NLGN1: variants seen among roughly 807,000 people sequenced by gnomAD.
NLGN1 encodes the protein neuroligin-1.
In NLGN1, 12 loss-of-function variants were observed where a neutral mutation model predicts 65.5. That is an observed-to-expected ratio of 0.18 (90% confidence interval 0.12 to 0.30). The LOEUF (loss-of-function observed/expected upper bound fraction) is 0.30, where lower values mean the gene tolerates loss of function less well. NLGN1 is among the 10% of genes least tolerant of loss of function. The pLI, the probability that NLGN1 is intolerant of heterozygous loss-of-function variation, is 1.00. For synonymous variants in NLGN1, 350 were observed against 359.5 expected (o/e 0.97, Z 0.30); for missense variants, 750 against 1,007.1 (o/e 0.74, Z 3.46).
At chr3:174,049,766 AG>A (rs1734405728) in intron 4 of NLGN1, among the ~76,000 whole-genome samples, 1 of 152,148 alleles carries the variant, frequency 6.6e-6, no homozygotes, top group South Asian at 2.1e-4. Context: ...TACGTGTAAA[AG>A]AGGAATACAG....
At chr3:173,785,936 A>T (rs1476164639) in intron 3 of NLGN1, among the ~76,000 whole-genome samples, 1 of 152,032 alleles carries the variant, frequency 6.6e-6, no homozygotes, top group African/African-American at 2.4e-5. Context: ...TTTTCATTTT[A>T]CTCCCCAGTG....
Position 173,992,208 on chromosome 3 carries a change from A to G in NLGN1, c.646+184376A>G, listed in dbSNP as rs181229394. Among the ~76,000 whole-genome samples the G allele has an allele frequency of 3.7e-3, 568 of 152,304 alleles. 1 individual carries two copies. Among genetic ancestry groups the G allele is most frequent in the African/African-American group, 0.013 (545 of 41,560 alleles). On this transcript the variant is annotated intron_variant, in intron 4 of 6. Transcript: ENST00000457714. ...TGTTACCCGCACACACACATAATAT[A>G]TGTATATTATTCATAAGTATACATA...
At chr3:173,462,789 T>C (rs936997117) in intron 2 of NLGN1, among the ~76,000 whole-genome samples, 1 of 152,236 alleles carries the variant, frequency 6.6e-6, no homozygotes, top group African/African-American at 2.4e-5. Flanking sequence ...ATAATTGTCA[T>C]TAATTTGTTT....
intron 3 of NLGN1, among the ~76,000 whole-genome samples, chr3:173,611,034 T>G (rs1307942345): frequency 6.6e-6 from 1 of 151,946 alleles, no homozygotes; most frequent in African/African-American, 2.4e-5. Context: ...GATTTGCAGA[T>G]TTTGAATTAA....
intron 3 of NLGN1, among the ~76,000 whole-genome samples, chr3:173,762,965 T>TAC (rs111427276): frequency 0.49 from 69,583 of 143,192 alleles, 17,988 homozygotes; most frequent in Non-Finnish European, 0.6. Flanking sequence ...TTGTCTCTGA[T>TAC]ACACACACAC....
intron 1 of NLGN1, among the ~76,000 whole-genome samples, chr3:173,415,121 G>A (rs1713412544): frequency 6.6e-6 from 1 of 152,142 alleles, no homozygotes; most frequent in Non-Finnish European, 1.5e-5. Context: ...TGTTTTTCAA[G>A]CTAATTGTTA....
At chr3:173,686,262 C>T (rs554264305) in intron 3 of NLGN1, among the ~76,000 whole-genome samples, 37 of 149,404 alleles carry the variant, frequency 2.5e-4, no homozygotes, top group African/African-American at 8.1e-4. Flanking sequence ...AAACGCAAAG[C>T]GCTTGACTAA....
At chr3:173,636,550 G>A (rs1416598943) in intron 3 of NLGN1, among the ~76,000 whole-genome samples, 8 of 148,264 alleles carry the variant, frequency 5.4e-5, no homozygotes, top group Non-Finnish European at 1.0e-4. Context: ...TTAGCATATC[G>A]TTTTTTTTTG....
chr3:173,542,281 C>G (rs1739021234), intron 2 of NLGN1, among the ~76,000 whole-genome samples: 1 of 151,960 alleles, frequency 6.6e-6, no homozygotes, highest in Non-Finnish European at 1.5e-5. Flanking sequence ...TATGCAGACT[C>G]TGCAGATCTT....
intron 4 of NLGN1, among the ~76,000 whole-genome samples, chr3:173,983,100 G>GT (rs1187013703): frequency 2.6e-5 from 4 of 151,612 alleles, no homozygotes; most frequent in Admixed American, 1.3e-4. Flanking sequence ...GAGTTCTTCT[G>GT]TTTTTTCTTC....
intron 3 of NLGN1, 86 bp downstream of exon 3, chr3:173,605,679 G>A (rs906710451): frequency 1.7e-6 from 1 of 604,860 alleles, no homozygotes; most frequent in Non-Finnish European, 2.7e-6. Context: ...ATTTGCTGAT[G>A]CTGGGAAGTA....
At chr3:173,690,596 A>C (rs1176190524) in intron 3 of NLGN1, among the ~76,000 whole-genome samples, 1 of 152,144 alleles carries the variant, frequency 6.6e-6, no homozygotes, top group Non-Finnish European at 1.5e-5. Context: ...CAAATACATG[A>C]ATTATGTAAT....
intron 3 of NLGN1, among the ~76,000 whole-genome samples, chr3:173,785,917 A>G (rs1781884199): frequency 6.6e-6 from 1 of 152,182 alleles, no homozygotes; most frequent in Admixed American, 6.5e-5. Flanking sequence ...TTATACATAT[A>G]TGTACAACTT....
chr3:174,001,969 A>T (rs1298533686), intron 4 of NLGN1, among the ~76,000 whole-genome samples: 1 of 152,032 alleles, frequency 6.6e-6, no homozygotes, highest in Non-Finnish European at 1.5e-5. Context: ...AAATGCTATG[A>T]CATGGATAAA....
chr3:173,825,474 T>G (rs1242337550), intron 4 of NLGN1, among the ~76,000 whole-genome samples: 1 of 152,078 alleles, frequency 6.6e-6, no homozygotes, highest in Non-Finnish European at 1.5e-5. Flanking sequence ...TGATTAATAT[T>G]AGTAAGATGT....
intron 3 of NLGN1, among the ~76,000 whole-genome samples, chr3:173,639,184 C>G (rs78873692): frequency 6.6e-6 from 1 of 152,258 alleles, no homozygotes; most frequent in South Asian, 2.1e-4. Flanking sequence ...AATATTCAAG[C>G]AATAAACAAT....
At chr3:173,930,210 A>G (rs116050463) in intron 4 of NLGN1, among the ~76,000 whole-genome samples, 124 of 152,332 alleles carry the variant, frequency 8.1e-4, no homozygotes, top group Middle Eastern at 3.4e-3. Flanking sequence ...CTTTAATATC[A>G]TTTATCAAAA....
intron 4 of NLGN1, among the ~76,000 whole-genome samples, chr3:173,911,733 A>T (rs570478124): frequency 4.6e-5 from 7 of 152,218 alleles, no homozygotes; most frequent in Non-Finnish European, 1.0e-4. Flanking sequence ...AAAGGAAGAG[A>T]GAGCATTGAT....
chr3:173,759,866 C>A (rs1448657129), intron 3 of NLGN1, among the ~76,000 whole-genome samples: 4 of 151,738 alleles, frequency 2.6e-5, no homozygotes, highest in Non-Finnish European at 5.9e-5. Context: ...TTATTTATCT[C>A]CCAAATTGTC....
Sources: gnomAD v4.1 joint callset for allele counts (sites outside exome capture counted in the v4.1 genomes callset) on GRCh38, gnomAD v4.1.1 for gene constraint, MANE v1.5 for transcripts, NCBI Gene and HGNC (gene_info 2026-07-23, HGNC 2026-07-21) for gene names.